RTL4: variants seen among roughly 807,000 people sequenced by gnomAD.
RTL4 encodes the protein retrotransposon Gag-like protein 4.
Under a neutral mutation model 5.3 loss-of-function variants are expected in RTL4, and 4 were observed. The ratio of observed to expected loss-of-function variants is 0.75; its 90% CI spans 0.37 to 1.72. The LOEUF is 1.72. RTL4 is among the 40% of genes most tolerant of loss of function. The pLI, the probability that RTL4 is intolerant of heterozygous loss-of-function variation, is 0.04. For synonymous variants in RTL4, 98 were observed against 87.3 expected (o/e 1.12, Z -0.68); for missense variants, 260 against 227.1 (o/e 1.14, Z -0.93).
the RTL4 span, among the ~76,000 whole-genome samples, chrX:112,134,856 A>G: frequency 1.8e-5 from 2 of 111,943 alleles, no homozygotes; most frequent in African/African-American, 3.2e-5. Flanking sequence ...ATTATTTTGA[A>G]GTACATCTAT....
At chrX:112,382,786 C>T in the RTL4 span, among the ~76,000 whole-genome samples, 1 of 111,814 alleles carries the variant, frequency 8.9e-6, no homozygotes, top group African/African-American at 3.3e-5. Flanking sequence ...ATTCTGATAA[C>T]AGCAAGTCCA....
chrX:112,441,405 A>C, the RTL4 span, among the ~76,000 whole-genome samples: 21 of 111,709 alleles, frequency 1.9e-4, no homozygotes, highest in Non-Finnish European at 4.0e-4. Context: ...CCATTTCTTA[A>C]AATATTTTTC....
the RTL4 span, among the ~76,000 whole-genome samples, chrX:112,109,495 T>G: frequency 9.0e-6 from 1 of 111,577 alleles, no homozygotes; most frequent in Non-Finnish European, 1.9e-5. Context: ...TTGGTCCATT[T>G]TAAGAGAGTG....
the RTL4 span, among the ~76,000 whole-genome samples, chrX:112,267,456 T>C: frequency 2.7e-5 from 3 of 112,169 alleles, no homozygotes; most frequent in Non-Finnish European, 5.6e-5. Context: ...CTTCTCAGTC[T>C]CTGCTGATTC....
the RTL4 span, among the ~76,000 whole-genome samples, chrX:112,130,467 AT>A: frequency 9.1e-6 from 1 of 110,177 alleles, no homozygotes; most frequent in South Asian, 3.8e-4. Flanking sequence ...GTAATGATGT[AT>A]TTCTTACAGT....
At chrX:112,165,098 T>C in the RTL4 span, among the ~76,000 whole-genome samples, 1 of 111,545 alleles carries the variant, frequency 9.0e-6, no homozygotes, top group African/African-American at 3.3e-5. Flanking sequence ...TTGCACTCAT[T>C]GTTTGGGTCC....
the RTL4 span, among the ~76,000 whole-genome samples, chrX:112,191,665 C>A: frequency 1.8e-5 from 2 of 111,774 alleles, no homozygotes; most frequent in Non-Finnish European, 3.8e-5. Context: ...TAGTCATCTC[C>A]TGTCACCAAA....
chrX:112,443,855 G>T, the RTL4 span, among the ~76,000 whole-genome samples: 1 of 111,602 alleles, frequency 9.0e-6, no homozygotes, highest in Non-Finnish European at 1.9e-5. Context: ...CAAATGGGTA[G>T]TTTGCAAATA....
the RTL4 span, among the ~76,000 whole-genome samples, chrX:112,272,417 A>G: frequency 9.0e-6 from 1 of 111,712 alleles, no homozygotes; most frequent in African/African-American, 3.3e-5. Context: ...ATGAATGGAC[A>G]TGGAGGAGGG....
At chrX:112,287,387 T>C in the RTL4 span, among the ~76,000 whole-genome samples, 910 of 112,246 alleles carry the variant, frequency 8.1e-3, 7 homozygotes, top group Middle Eastern at 0.042. Context: ...GTACTGTATA[T>C]AAAATAAGTT....
At chrX:112,356,576 T>TGGGG in the RTL4 span, among the ~76,000 whole-genome samples, 3 of 93,301 alleles carry the variant, frequency 3.2e-5, no homozygotes, top group African/African-American at 1.3e-4. Context: ...CCATTTGTTT[T>TGGGG]GGGGTGTGTG....
the RTL4 span, among the ~76,000 whole-genome samples, chrX:112,276,338 T>C: frequency 9.0e-6 from 1 of 111,654 alleles, no homozygotes; most frequent in Non-Finnish European, 1.9e-5. Context: ...TTATGTGTAA[T>C]TAGTCTCATG....
At chrX:112,449,524 A>T (rs1314087657), upstream of RTL4, among the ~76,000 whole-genome samples, 1 of 112,073 alleles carries the variant, frequency 8.9e-6, no homozygotes, top group Non-Finnish European at 1.9e-5. Flanking sequence ...GGGAACTTTT[A>T]CTGCATCATC....
the RTL4 span, chrX:112,381,425 C>T: frequency 2.5e-6 from 3 of 1,209,167 alleles, no homozygotes; most frequent in Non-Finnish European, 3.4e-6. Context: ...AAAACAAGCT[C>T]AAACCCAGCG....
the RTL4 span, among the ~76,000 whole-genome samples, chrX:112,380,377 C>T: frequency 9.0e-6 from 1 of 111,476 alleles, no homozygotes; most frequent in African/African-American, 3.3e-5. Flanking sequence ...TGGTCTCGAT[C>T]CCCTAACCTC....
the RTL4 span, among the ~76,000 whole-genome samples, chrX:112,202,128 C>T: frequency 9.0e-6 from 1 of 111,341 alleles, no homozygotes; most frequent in Non-Finnish European, 1.9e-5. Context: ...ACCTCCCTCT[C>T]ATAATCTTCA....
upstream of RTL4, among the ~76,000 whole-genome samples, chrX:112,454,218 G>A (rs770952043): frequency 1.4e-4 from 16 of 111,554 alleles, no homozygotes; most frequent in South Asian, 5.6e-3. Context: ...CTAATGATAC[G>A]TAATGAGCTT....
the RTL4 span, among the ~76,000 whole-genome samples, chrX:112,341,375 C>T: frequency 1.8e-5 from 2 of 111,754 alleles, no homozygotes; most frequent in African/African-American, 3.3e-5. Flanking sequence ...AGTGAATAAG[C>T]AATAAGTTGA....
chrX:112,323,194 T>A, the RTL4 span, among the ~76,000 whole-genome samples: 1 of 112,377 alleles, frequency 8.9e-6, no homozygotes, highest in African/African-American at 3.2e-5. Context: ...GTCAGTTTGA[T>A]GGGTTTATTG....
Sources: allele counts gnomAD v4.1 joint callset (sites outside exome capture counted in the v4.1 genomes callset), GRCh38; gene constraint gnomAD v4.1.1; transcripts MANE v1.5; gene names NCBI Gene and HGNC (gene_info 2026-07-23, HGNC 2026-07-21).